The following GPR21 variants were observed in gnomAD, a reference collection of about 807,000 sequenced individuals.
The protein encoded by GPR21 is G protein-coupled receptor 21, also known as probable G protein-coupled receptor 21.
GPR21 carries 9 observed loss-of-function variants against 21.5 expected under a neutral mutation model. That is an observed-to-expected ratio of 0.42 (90% confidence interval 0.25 to 0.73). The LOEUF (loss-of-function observed/expected upper bound fraction) is 0.73, where lower values mean the gene tolerates loss of function less well. Among genes scored for constraint, GPR21 ranks in the 30% least tolerant of loss-of-function variants. The probability of loss-of-function intolerance (pLI) is 0.27; values close to 1 mark genes in which losing one functional copy is unlikely to be tolerated. For missense variants in GPR21, 416 were observed against 428.9 expected (o/e 0.97, Z 0.27); for synonymous variants, 169 against 159.3 (o/e 1.06, Z -0.46).
chr9:123,041,823 A>G, the GPR21 span, among the ~76,000 whole-genome samples: 1 of 152,216 alleles, frequency 6.6e-6, no homozygotes, highest in African/African-American at 2.4e-5. Context: ...ATGTCCCTAT[A>G]AGCATAGAGA....
At chr9:123,046,447 G>A in the GPR21 span, among the ~76,000 whole-genome samples, 1 of 152,186 alleles carries the variant, frequency 6.6e-6, no homozygotes, top group African/African-American at 2.4e-5. Context: ...GTAATGTGTA[G>A]TGGCCAAAAG....
At chr9:123,037,725 T>G (rs551631700), downstream of GPR21, among the ~76,000 whole-genome samples, 5 of 152,194 alleles carry the variant, frequency 3.3e-5, no homozygotes, top group African/African-American at 4.8e-5. Flanking sequence ...TCTTATTTTG[T>G]TGTGTGTGTA....
chr9:123,046,891 C>A, the GPR21 span, among the ~76,000 whole-genome samples: 1 of 152,150 alleles, frequency 6.6e-6, no homozygotes, highest in Non-Finnish European at 1.5e-5. Context: ...CTTAGAAGAT[C>A]CCTTAGCAGA....
At chr9:123,038,605 A>G (rs1003709308), downstream of GPR21, among the ~76,000 whole-genome samples, 1 of 152,180 alleles carries the variant, frequency 6.6e-6, no homozygotes, top group Non-Finnish European at 1.5e-5. Context: ...ATGTATTGTT[A>G]CATGAGCAAA....
At chr9:123,042,944 T>C in the GPR21 span, among the ~76,000 whole-genome samples, 2 of 152,174 alleles carry the variant, frequency 1.3e-5, no homozygotes, top group Admixed American at 6.5e-5. Flanking sequence ...TGGTGGAGTC[T>C]AAACATACAA....
chr9:123,038,120 C>A (rs2032764286), downstream of GPR21, among the ~76,000 whole-genome samples: 1 of 151,700 alleles, frequency 6.6e-6, no homozygotes, highest in Admixed American at 6.6e-5. Context: ...GGTTTTTTCC[C>A]CCTTCTTAGA....
chr9:123,046,031 G>A, the GPR21 span, among the ~76,000 whole-genome samples: 116 of 152,302 alleles, frequency 7.6e-4, 3 homozygotes, highest in South Asian at 1.5e-3. Context: ...ATGTGGAGTG[G>A]CCTGGTGTGC....
At chr9:123,049,089 A>G in the GPR21 span, among the ~76,000 whole-genome samples, 6 of 152,358 alleles carry the variant, frequency 3.9e-5, no homozygotes, top group East Asian at 9.6e-4. Context: ...ATAAAGAGCC[A>G]TCTTTTCTGA....
rs756881661 is a variant in GPR21 at position 123,035,474 on chromosome 9, T to C, written c.908T>C (p.Ile303Thr). Residue 303 changes from isoleucine to threonine, a missense_variant, in exon 2 of 2, where the codon ATT (isoleucine) becomes ACT (threonine). By Grantham distance (89) the Ile-to-Thr change is moderately conservative (BLOSUM62 -1). Coordinates refer to ENST00000616002, the MANE Select transcript of GPR21 (RefSeq NM_005294.3). ...AGTAACAGTTTCTGCAACTGTGTAA[T>C]TTATAGTCTCTCCAACAGTGTATTC... ...AISNSFCNCV[I>T]YSLSNSVFQR... The C allele has an allele frequency of 1.3e-5, 21 of 1,614,110 alleles. No individual in the cohort carries two copies. The highest frequency in any genetic ancestry group is 3.3e-4 in the Middle Eastern group (2 of 6,062).
the GPR21 span, among the ~76,000 whole-genome samples, chr9:123,043,900 C>CTTTTTT: frequency 2.3e-5 from 3 of 129,430 alleles, no homozygotes; most frequent in African/African-American, 5.7e-5. Context: ...GTATTATTTT[C>CTTTTTT]TTTTTTTTTT....
chr9:123,041,548 T>C, the GPR21 span, among the ~76,000 whole-genome samples: 1 of 152,198 alleles, frequency 6.6e-6, no homozygotes, highest in Non-Finnish European at 1.5e-5. Flanking sequence ...CTGCTAAATG[T>C]AGCAGATTGA....
the GPR21 span, among the ~76,000 whole-genome samples, chr9:123,044,253 G>A: frequency 6.6e-6 from 1 of 152,162 alleles, no homozygotes; most frequent in African/African-American, 2.4e-5. Flanking sequence ...GAAAAGAGAT[G>A]TATTTTAACA....
At chr9:123,047,746 C>T in the GPR21 span, among the ~76,000 whole-genome samples, 1 of 151,714 alleles carries the variant, frequency 6.6e-6, no homozygotes, top group East Asian at 1.9e-4. Context: ...GAATATATAC[C>T]TGTAGCCTTT....
downstream of GPR21, among the ~76,000 whole-genome samples, chr9:123,037,861 G>A (rs571182762): frequency 6.6e-6 from 1 of 152,148 alleles, no homozygotes; most frequent in East Asian, 1.9e-4. Flanking sequence ...CATATTTAAT[G>A]CAACATTTGA....
exon 2 of GPR21, chr9:123,035,639 CGTGTGTGTGT>C (rs5900552): frequency 0.24 from 176,720 of 727,274 alleles, 9,781 homozygotes; most frequent in East Asian, 0.47. Flanking sequence ...ACGGGGTTCC[CGTGTGTGTGT>C]GTGTGTGTGT....
chr9:123,045,788 C>G, the GPR21 span, among the ~76,000 whole-genome samples: 1 of 152,114 alleles, frequency 6.6e-6, no homozygotes, highest in East Asian at 1.9e-4. Flanking sequence ...TTTTTGGAGT[C>G]TTTGGCCCTT....
downstream of GPR21, among the ~76,000 whole-genome samples, chr9:123,037,703 C>T (rs982501140): frequency 1.3e-5 from 2 of 152,048 alleles, no homozygotes; most frequent in African/African-American, 4.8e-5. Flanking sequence ...GATATTAAAT[C>T]AGCAGGTTTG....
chr9:123,039,448 T>C (rs745811313), downstream of GPR21, among the ~76,000 whole-genome samples: 7 of 152,178 alleles, frequency 4.6e-5, no homozygotes, highest in Non-Finnish European at 7.4e-5. Context: ...TCTGTAATTA[T>C]TGCATGTAGT....
the GPR21 span, among the ~76,000 whole-genome samples, chr9:123,041,813 A>T: frequency 6.6e-6 from 1 of 152,248 alleles, no homozygotes; most frequent in Non-Finnish European, 1.5e-5. Context: ...GATTGCTAAG[A>T]TGTCCCTATA....
Sources: gnomAD v4.1 joint callset for allele counts (sites outside exome capture counted in the v4.1 genomes callset) on GRCh38, gnomAD v4.1.1 for gene constraint, MANE v1.5 for transcripts, NCBI Gene and HGNC (gene_info 2026-07-23, HGNC 2026-07-21) for gene names.